IL1RL2: variants seen among roughly 807,000 people sequenced by gnomAD.
IL1RL2 encodes the protein interleukin-1 receptor-like 2.
In IL1RL2, 68 loss-of-function variants were observed where a neutral mutation model predicts 66.8. The ratio of observed to expected loss-of-function variants is 1.02; its 90% confidence interval spans 0.84 to 1.25. The LOEUF (loss-of-function observed/expected upper bound fraction) is 1.25, where lower values mean the gene tolerates loss of function less well. Ranked by LOEUF, IL1RL2 falls within the 50% of genes most tolerant of loss-of-function variation. IL1RL2 has a pLI of 0.00. For synonymous variants in IL1RL2, 305 were observed against 264.6 expected, an observed-to-expected ratio of 1.15 and a Z score of -1.48; for missense variants, 729 against 709.3, an observed-to-expected ratio of 1.03 and a Z score of -0.32.
intron 4 of IL1RL2, among the ~76,000 whole-genome samples, chr2:102,197,174 T>A (rs1219855239): frequency 6.6e-6 from 1 of 152,102 alleles, no homozygotes; most frequent in Non-Finnish European, 1.5e-5. Context: ...ATGTAATGAA[T>A]TTGTAGTGGT....
At chr2:102,223,333 G>T (rs1392712020) in intron 8 of IL1RL2, among the ~76,000 whole-genome samples, 1 of 152,074 alleles carries the variant, frequency 6.6e-6, no homozygotes, top group East Asian at 1.9e-4. Flanking sequence ...ATCTTATTTG[G>T]TTTTTCTGAA....
intron 11 of IL1RL2, among the ~76,000 whole-genome samples, chr2:102,238,145 C>G (rs955151067): frequency 2.6e-5 from 4 of 152,156 alleles, no homozygotes; most frequent in African/African-American, 9.7e-5. Context: ...TCCCCAGGGA[C>G]TGACCTGGAG....
intron 5 of IL1RL2, among the ~76,000 whole-genome samples, chr2:102,208,585 T>C (rs1426775804): frequency 6.6e-6 from 1 of 152,238 alleles, no homozygotes; most frequent in Non-Finnish European, 1.5e-5. Context: ...TTGTCACTAG[T>C]TTCCATCACA....
chr2:102,195,575 T>TTCTTTC (rs1687615602), intron 4 of IL1RL2, among the ~76,000 whole-genome samples: 2 of 14,900 alleles, frequency 1.3e-4, no homozygotes, highest in Non-Finnish European at 2.7e-4. Context: ...CTTTCTTTCT[T>TTCTTTC]TCTTTCTTTC....
rs1335515827 is a variant in IL1RL2, at chr2:102,187,321, C to T, written c.-13+235C>T. ...CAGCGGCTCCCTGCCTTCCTTTCTC[C>T]TTTCCCGCTGGCCCTTGCCAGGTAG... On this transcript the variant is annotated intron_variant, in intron 1 of 11. Transcript: ENST00000264257. 5 of 1,174,456 alleles carry T rather than the reference C, an allele frequency of 4.3e-6. No homozygotes were observed. The African/African-American group carries it at 8.0e-5, about 19-fold the overall frequency. The allele number at this position is 1,174,456 out of a possible 1,614,324, so 72.8% of individuals were successfully genotyped here.
At chr2:102,187,330 T>G in intron 1 of IL1RL2, 2 of 1,172,404 alleles carry the variant, frequency 1.7e-6, no homozygotes, top group Non-Finnish European at 2.1e-6. Flanking sequence ...CCTTTCCCGC[T>G]GGCCCTTGCC....
intron 5 of IL1RL2, among the ~76,000 whole-genome samples, chr2:102,204,722 T>A (rs1117797): frequency 6.6e-6 from 1 of 152,070 alleles, no homozygotes; most frequent in African/African-American, 2.4e-5. Context: ...AATATCTTTT[T>A]TCATACCTTT....
chr2:102,200,986 A>C (rs3755290), intron 4 of IL1RL2, among the ~76,000 whole-genome samples: 42,619 of 151,994 alleles, frequency 0.28, 6,616 homozygotes, highest in East Asian at 0.38. Flanking sequence ...ACTTCTATAA[A>C]GTCCAATGCT....
At chr2:102,206,693 C>T (rs4851559) in intron 5 of IL1RL2, among the ~76,000 whole-genome samples, 42,660 of 152,110 alleles carry the variant, frequency 0.28, 6,614 homozygotes, top group East Asian at 0.38. Context: ...GCCAGCACAG[C>T]GCTGGGTCTT....
At chr2:102,212,241 T>C in intron 6 of IL1RL2, 67 bp downstream of exon 6, 1 of 1,099,670 alleles carries the variant, frequency 9.1e-7, no homozygotes. Flanking sequence ...CATATTCTGG[T>C]GAATATTTTG....
downstream of IL1RL2, among the ~76,000 whole-genome samples, chr2:102,241,427 G>A (rs555627684): frequency 1.3e-5 from 2 of 152,296 alleles, no homozygotes; most frequent in South Asian, 4.1e-4. Flanking sequence ...CCTCTTGCAA[G>A]TCAAAAACCC....
At chr2:102,241,712 T>C (rs1172648419), downstream of IL1RL2, among the ~76,000 whole-genome samples, 1 of 152,204 alleles carries the variant, frequency 6.6e-6, no homozygotes, top group Admixed American at 6.5e-5. Flanking sequence ...CTCTCCATTT[T>C]AAAATGAAGA....
At chr2:102,227,363 TA>T (rs1377236904) in intron 9 of IL1RL2, among the ~76,000 whole-genome samples, 1 of 152,214 alleles carries the variant, frequency 6.6e-6, no homozygotes, top group African/African-American at 2.4e-5. Flanking sequence ...AAATACACAG[TA>T]CGGTTGTTGC....
At chr2:102,191,033 T>C (rs1687186505) in intron 3 of IL1RL2, among the ~76,000 whole-genome samples, 1 of 152,198 alleles carries the variant, frequency 6.6e-6, no homozygotes, top group African/African-American at 2.4e-5. Flanking sequence ...AAGAACTTCC[T>C]TCTACCCTTT....
intron 4 of IL1RL2, among the ~76,000 whole-genome samples, chr2:102,193,041 C>T (rs529733382): frequency 2.6e-5 from 4 of 152,252 alleles, no homozygotes; most frequent in African/African-American, 9.6e-5. Flanking sequence ...TATTCATTCT[C>T]TCTTACACAC....
intron 5 of IL1RL2, among the ~76,000 whole-genome samples, chr2:102,210,359 G>A (rs1229183462): frequency 2.6e-5 from 4 of 152,260 alleles, no homozygotes; most frequent in African/African-American, 9.6e-5. Flanking sequence ...AGAGTAAGTA[G>A]TATGAATTTT....
intron 1 of IL1RL2, chr2:102,187,315 T>C: frequency 8.5e-7 from 1 of 1,173,988 alleles, no homozygotes; most frequent in Non-Finnish European, 1.1e-6. Flanking sequence ...CCTGCCTTCC[T>C]TTCTCCTTTC....
chr2:102,228,358 G>A (rs1222995814), intron 9 of IL1RL2, among the ~76,000 whole-genome samples: 4 of 152,134 alleles, frequency 2.6e-5, no homozygotes, highest in African/African-American at 7.2e-5. Context: ...AATGTCCTTC[G>A]TAGGATAAGT....
intron 4 of IL1RL2, among the ~76,000 whole-genome samples, chr2:102,200,117 C>A (rs13003756): frequency 0.01 from 953 of 94,982 alleles, 30 homozygotes; most frequent in Middle Eastern, 0.062. Context: ...CCTGTTCCAG[C>A]AAAAAAAAAA....
Sources: allele counts gnomAD v4.1 joint callset (sites outside exome capture counted in the v4.1 genomes callset), GRCh38; gene constraint gnomAD v4.1.1; transcripts MANE v1.5; gene names NCBI Gene and HGNC (gene_info 2026-07-23, HGNC 2026-07-21).